The following CORO2A variants were observed in gnomAD, a reference collection of about 807,000 sequenced individuals.
The protein encoded by CORO2A is coronin 2A.
A neutral mutation model predicts 62.4 loss-of-function variants in CORO2A; 47 were observed. The ratio of observed to expected loss-of-function variants is 0.75; its 90% CI spans 0.60 to 0.96. CORO2A has a LOEUF of 0.96. CORO2A is among the 40% of genes least tolerant of loss of function. CORO2A has a pLI of 0.00. For missense variants in CORO2A, 610 were observed against 684.1 expected (o/e 0.89, Z 1.21); for synonymous variants, 273 against 268.9 (o/e 1.02, Z -0.15).
chr9:98,189,705 G>GA (rs11449086), intron 1 of CORO2A, among the ~76,000 whole-genome samples: 35,823 of 152,054 alleles, frequency 0.24, 4,308 homozygotes, highest in African/African-American at 0.25. Context: ...CTTCAATCTG[G>GA]AATCTATGTC....
chr9:98,125,405 G>A (rs1328795645), intron 11 of CORO2A, among the ~76,000 whole-genome samples: 1 of 152,148 alleles, frequency 6.6e-6, no homozygotes, highest in Non-Finnish European at 1.5e-5. Flanking sequence ...CCGTGGAAAC[G>A]GAAGCTTAGA....
chr9:98,187,585 C>A (rs1828255899), intron 1 of CORO2A, among the ~76,000 whole-genome samples: 1 of 152,110 alleles, frequency 6.6e-6, no homozygotes, highest in Non-Finnish European at 1.5e-5. Context: ...CTTCCTGGGT[C>A]ATAGAATGGC....
At chr9:98,132,001 A>G (rs898788902) in intron 6 of CORO2A, among the ~76,000 whole-genome samples, 184 bp downstream of exon 6, 2 of 152,060 alleles carry the variant, frequency 1.3e-5, no homozygotes, top group African/African-American at 2.4e-5. Context: ...GGCAAGATAC[A>G]CAGGGTCTGG....
chr9:98,190,936 C>T (rs183431101), intron 1 of CORO2A, among the ~76,000 whole-genome samples: 8 of 152,368 alleles, frequency 5.3e-5, no homozygotes, highest in Non-Finnish European at 8.8e-5. Context: ...AGGGCAAGGT[C>T]ATAGGCACTA....
At chr9:98,178,672 G>A (rs1461703754) in intron 1 of CORO2A, among the ~76,000 whole-genome samples, 2 of 152,184 alleles carry the variant, frequency 1.3e-5, no homozygotes, top group African/African-American at 2.4e-5. Flanking sequence ...ACCACATGAG[G>A]CTGCCTGACA....
chr9:98,183,796 C>T (rs1246002994), intron 1 of CORO2A, among the ~76,000 whole-genome samples: 1 of 152,100 alleles, frequency 6.6e-6, no homozygotes, highest in East Asian at 1.9e-4. Flanking sequence ...CCCATCTCTA[C>T]TAAAAATGTA....
intron 1 of CORO2A, among the ~76,000 whole-genome samples, chr9:98,162,195 G>T (rs1827895791): frequency 6.6e-6 from 1 of 152,196 alleles, no homozygotes; most frequent in Non-Finnish European, 1.5e-5. Flanking sequence ...TCTCAAGCCT[G>T]CAGCTTTTGA....
intron 11 of CORO2A, 76 bp from the exon 12 acceptor site, chr9:98,124,981 T>G: frequency 6.6e-7 from 1 of 1,514,206 alleles, no homozygotes; most frequent in Non-Finnish European, 8.9e-7. Context: ...CTATCCCTCT[T>G]TGACTCAGAA....
Position 98,137,674 on chromosome 9 carries a change from G to T in CORO2A, c.216C>A (p.Asp72Glu), listed in dbSNP as rs1472009457. The T allele has an allele frequency of 1.9e-6, 3 of 1,614,066 alleles. No homozygotes were observed. The highest frequency in any genetic ancestry group is 1.1e-5 in the South Asian group (1 of 91,078). Residue 72 changes from aspartate (D) to glutamate (E), a missense_variant, in exon 3 of 12, where the codon GAC becomes GAA. Physicochemically the swap from Asp to Glu is conservative, Grantham distance 45. Coordinates refer to ENST00000375077, the MANE Select transcript of CORO2A (RefSeq NM_052820.4). ...VIPLHQTGKL[D>E]PHYPKVCGHR... Reference sequence around the variant, plus strand: ...GCCCGCAGACTTTTGGGTAGTGGGGGTCCAACTTCCCTGTCTGCAAGACAG... The same window carrying T: ...GCCCGCAGACTTTTGGGTAGTGGGGTTCCAACTTCCCTGTCTGCAAGACAG...
chr9:98,158,846 C>T (rs958468699), intron 1 of CORO2A, among the ~76,000 whole-genome samples: 34 of 151,826 alleles, frequency 2.2e-4, no homozygotes, highest in African/African-American at 8.0e-4. Flanking sequence ...AACACACACA[C>T]ACACACACAC....
At position 98,187,051 on chromosome 9, in the gene CORO2A, G is replaced by C. The variant is rs548944645; in HGVS notation, c.-1+5508C>G. ...TCCCAGCACTTTGGGAGGCTGAGGG[G>C]GGCAGATCATGAGGTCAGGAGATTG... On this transcript the variant is annotated intron_variant, in intron 1 of 11. Coordinates refer to ENST00000375077, the MANE Select transcript of CORO2A (RefSeq NM_052820.4). 3.3e-5 allele frequency among the ~76,000 whole-genome samples: 5 copies of C among 152,136 alleles called. No individual in the cohort carries two copies. The East Asian group carries it at 9.7e-4, about 29-fold the overall frequency.
chr9:98,125,670 T>C (rs1477242284), intron 11 of CORO2A, among the ~76,000 whole-genome samples: 3 of 151,320 alleles, frequency 2.0e-5, no homozygotes, highest in African/African-American at 4.9e-5. Context: ...TGATACCCAC[T>C]AGGTCAAACC....
At chr9:98,160,998 A>G (rs1215850178) in intron 1 of CORO2A, among the ~76,000 whole-genome samples, 1 of 152,232 alleles carries the variant, frequency 6.6e-6, no homozygotes, top group Non-Finnish European at 1.5e-5. Flanking sequence ...TTGGTCCCTC[A>G]GGAACCATGT....
At chr9:98,178,446 C>T (rs973270282) in intron 1 of CORO2A, among the ~76,000 whole-genome samples, 7 of 152,236 alleles carry the variant, frequency 4.6e-5, no homozygotes, top group African/African-American at 1.7e-4. Flanking sequence ...CGTGTCCATT[C>T]TGTAAGCGCT....
chr9:98,125,322 A>C (rs1827301401), intron 11 of CORO2A, among the ~76,000 whole-genome samples: 1 of 152,192 alleles, frequency 6.6e-6, no homozygotes, highest in Admixed American at 6.6e-5. Flanking sequence ...TGATGCCCTA[A>C]GGGCCTCGTT....
At chr9:98,139,145 G>C (rs1827533112) in intron 2 of CORO2A, among the ~76,000 whole-genome samples, 1 of 152,112 alleles carries the variant, frequency 6.6e-6, no homozygotes, top group African/African-American at 2.4e-5. Flanking sequence ...GGGGCAATAG[G>C]GGGTGACTGC....
chr9:98,179,421 T>G (rs560104888), intron 1 of CORO2A, among the ~76,000 whole-genome samples: 1 of 152,314 alleles, frequency 6.6e-6, no homozygotes, highest in South Asian at 2.1e-4. Context: ...CTCCTATCTC[T>G]CATCCTCCCC....
rs762368061 is a variant in CORO2A, at chr9:98,134,846, G to A, written c.428C>T (p.Thr143Met). ...RRVGLVEWHP[T>M]AANILFSAGY... ...AGCACTGAAGAGGATGTTGGCGGCC[G>A]TGGGGTGCCACTCCACCAGGCCTAC... Residue 143 changes from threonine (T) to methionine (M), a missense_variant, in exon 4 of 12, where the codon ACG (threonine) becomes ATG (methionine). By Grantham distance (81) the Thr-to-Met change is moderately conservative. Transcript: ENST00000375077. 12 of 1,613,792 alleles carry A rather than the reference G, an allele frequency of 7.4e-6. No homozygotes were observed. The highest frequency in any genetic ancestry group is 1.3e-5 in the African/African-American group (1 of 74,932).
chr9:98,171,991 C>A (rs1828043177), intron 1 of CORO2A, among the ~76,000 whole-genome samples: 1 of 151,676 alleles, frequency 6.6e-6, no homozygotes, highest in Non-Finnish European at 1.5e-5. Flanking sequence ...GGGCTGGTAT[C>A]GAAGGAAGAA....
Sources: gnomAD v4.1 joint callset for allele counts (sites outside exome capture counted in the v4.1 genomes callset) on GRCh38, gnomAD v4.1.1 for gene constraint, MANE v1.5 for transcripts, NCBI Gene and HGNC (gene_info 2026-07-23, HGNC 2026-07-21) for gene names.